Variants in LHFPL3 observed in about 807,000 individuals in gnomAD.
The protein encoded by LHFPL3 is LHFPL tetraspan subfamily member 3 protein.
LHFPL3 carries 5 observed loss-of-function variants against 19.3 expected under a neutral mutation model. That is an observed-to-expected ratio of 0.26 (90% CI 0.14 to 0.54). The LOEUF (loss-of-function observed/expected upper bound fraction) is 0.54, where lower values mean the gene tolerates loss of function less well. LHFPL3 is among the 20% of genes least tolerant of loss of function. LHFPL3 has a pLI of 0.94. For missense variants in LHFPL3, 249 were observed against 307.4 expected, an observed-to-expected ratio of 0.81 and a Z score of 1.42; for synonymous variants, 133 against 126.2, an observed-to-expected ratio of 1.05 and a Z score of -0.36.
intron 1 of LHFPL3, among the ~76,000 whole-genome samples, chr7:104,363,535 C>T (rs942509478): frequency 4.6e-5 from 7 of 152,320 alleles, no homozygotes; most frequent in African/African-American, 1.4e-4. Context: ...ACCTGGGGAT[C>T]TAGGCTGATG....
intron 1 of LHFPL3, among the ~76,000 whole-genome samples, chr7:104,335,652 A>G (rs1439504636): frequency 6.6e-6 from 1 of 152,244 alleles, no homozygotes; most frequent in Non-Finnish European, 1.5e-5. Context: ...GTAAAAATAT[A>G]ATAAAGTACT....
At chr7:104,469,989 A>T in intron 1 of LHFPL3, 1 of 455,860 alleles carries the variant, frequency 2.2e-6, no homozygotes, top group Non-Finnish European at 4.4e-6. Flanking sequence ...GAAATGCCAC[A>T]CTCTGAGAAT....
At chr7:104,686,116 AG>A (rs1792799778) in intron 1 of LHFPL3, among the ~76,000 whole-genome samples, 5 of 152,192 alleles carry the variant, frequency 3.3e-5, no homozygotes, top group African/African-American at 1.2e-4. Flanking sequence ...GGATGGTTGA[AG>A]GTAGTAAGGG....
At chr7:104,418,301 G>A (rs1299651103) in intron 1 of LHFPL3, among the ~76,000 whole-genome samples, 1 of 152,156 alleles carries the variant, frequency 6.6e-6, no homozygotes, top group Non-Finnish European at 1.5e-5. Context: ...TTCAACAATA[G>A]GCAAGAGGAT....
At chr7:104,833,038 T>TATATTATATATATTAG (rs1554349396) in intron 2 of LHFPL3, among the ~76,000 whole-genome samples, 1 of 21,608 alleles carries the variant, frequency 4.6e-5, no homozygotes, top group Non-Finnish European at 6.8e-5. Flanking sequence ...ATATTATATA[T>TATATTATATATATTAG]ATATATTATA....
At chr7:104,525,830 C>T (rs1266756684) in intron 1 of LHFPL3, among the ~76,000 whole-genome samples, 1 of 152,116 alleles carries the variant, frequency 6.6e-6, no homozygotes, top group Admixed American at 6.5e-5. Flanking sequence ...TGATCTCGAA[C>T]TCCTGACCTC....
intron 1 of LHFPL3, among the ~76,000 whole-genome samples, chr7:104,369,617 G>T (rs1487261038): frequency 1.3e-5 from 2 of 152,186 alleles, no homozygotes; most frequent in Non-Finnish European, 2.9e-5. Context: ...CTATTTTCTG[G>T]AGTGGGTGTA....
chr7:104,429,067 AC>A (rs1261012134), intron 1 of LHFPL3, among the ~76,000 whole-genome samples: 9 of 152,178 alleles, frequency 5.9e-5, no homozygotes, highest in African/African-American at 2.2e-4. Context: ...GTCAGTAACT[AC>A]CAGTGGCATC....
intron 1 of LHFPL3, among the ~76,000 whole-genome samples, chr7:104,708,827 T>C (rs1048539132): frequency 6.6e-6 from 1 of 152,190 alleles, no homozygotes; most frequent in Non-Finnish European, 1.5e-5. Context: ...TCATGTTGTT[T>C]CTCATTACAG....
intron 1 of LHFPL3, among the ~76,000 whole-genome samples, chr7:104,466,123 A>C (rs1416028556): frequency 1.3e-5 from 2 of 152,090 alleles, no homozygotes; most frequent in Admixed American, 6.6e-5. Flanking sequence ...ATCTTTGTTA[A>C]TTTTCTCCCT....
intron 1 of LHFPL3, among the ~76,000 whole-genome samples, chr7:104,390,248 T>A (rs1791038276): frequency 6.6e-6 from 1 of 152,128 alleles, no homozygotes; most frequent in Non-Finnish European, 1.5e-5. Context: ...GCAGGTTTCT[T>A]ACATATGTAT....
At chr7:104,735,511 C>T (rs547458278) in intron 1 of LHFPL3, among the ~76,000 whole-genome samples, 10 of 152,348 alleles carry the variant, frequency 6.6e-5, no homozygotes, top group East Asian at 3.9e-4. Context: ...TAGGACCCTC[C>T]GAGCCAGTTG....
At chr7:104,527,106 C>T in intron 1 of LHFPL3, among the ~76,000 whole-genome samples, 1 of 152,094 alleles carries the variant, frequency 6.6e-6, no homozygotes, top group East Asian at 1.9e-4. Context: ...AAGGCAAAGG[C>T]CTTGAGGTGA....
intron 1 of LHFPL3, among the ~76,000 whole-genome samples, chr7:104,543,976 CA>C: frequency 6.7e-6 from 1 of 150,048 alleles, no homozygotes; most frequent in African/African-American, 2.5e-5. Flanking sequence ...ACCACCATGG[CA>C]CACGTATACC....
intron 1 of LHFPL3, among the ~76,000 whole-genome samples, chr7:104,442,882 C>T (rs894362644): frequency 2.6e-5 from 4 of 152,138 alleles, no homozygotes; most frequent in Non-Finnish European, 4.4e-5. Flanking sequence ...TCCTTAGTTT[C>T]GCACCTCACT....
At chr7:104,378,156 G>A (rs1036365981) in intron 1 of LHFPL3, among the ~76,000 whole-genome samples, 1 of 151,978 alleles carries the variant, frequency 6.6e-6, no homozygotes, top group Non-Finnish European at 1.5e-5. Flanking sequence ...TATTTATGAG[G>A]TACATGAGGT....
intron 1 of LHFPL3, among the ~76,000 whole-genome samples, chr7:104,715,047 A>G (rs1180687170): frequency 6.6e-6 from 1 of 152,182 alleles, no homozygotes; most frequent in African/African-American, 2.4e-5. Flanking sequence ...CCTATTAACA[A>G]TATGTGCACT....
chr7:104,826,527 GA>G (rs1790822782), intron 2 of LHFPL3: 1 of 160,716 alleles, frequency 6.2e-6, no homozygotes, highest in Non-Finnish European at 1.5e-5. Context: ...GATAAGAACA[GA>G]AATTCATCAG....
chr7:104,541,724 A>C (rs2115876999), intron 1 of LHFPL3, among the ~76,000 whole-genome samples: 1 of 152,338 alleles, frequency 6.6e-6, no homozygotes, highest in African/African-American at 2.4e-5. Context: ...TCTGTACTGC[A>C]AATTCTCAGT....
Sources: gnomAD v4.1 joint callset for allele counts (sites outside exome capture counted in the v4.1 genomes callset) on GRCh38, gnomAD v4.1.1 for gene constraint, MANE v1.5 for transcripts, NCBI Gene and HGNC (gene_info 2026-07-23, HGNC 2026-07-21) for gene names.